ADAM22: variants seen among roughly 807,000 people sequenced by gnomAD.
ADAM22 encodes ADAM metallopeptidase domain 22.
ADAM22 carries 65 observed loss-of-function variants against 144.6 expected under a neutral mutation model. That is an observed-to-expected ratio of 0.45 (90% CI 0.37 to 0.55). The LOEUF is 0.55. Ranked by LOEUF, ADAM22 falls within the 20% of genes least tolerant of loss-of-function variation. The pLI, the probability that ADAM22 is intolerant of heterozygous loss-of-function variation, is 0.00. For synonymous variants in ADAM22, 391 were observed against 412.6 expected, an observed-to-expected ratio of 0.95 and a Z score of 0.63; for missense variants, 974 against 1,184.9, an observed-to-expected ratio of 0.82 and a Z score of 2.61.
rs370396568 is a variant in ADAM22 at position 87,944,827 on chromosome 7, T to G, written c.246+9641T>G. Among the ~76,000 whole-genome samples the G allele has an allele frequency of 2.1e-3, 317 of 151,446 alleles. 2 individuals are homozygous for G. The highest frequency in any genetic ancestry group is 6.4e-3 in the African/African-American group (263 of 41,088). On this transcript the variant is annotated intron_variant, in intron 2 of 31. Coordinates refer to ENST00000413139, the MANE Select transcript of ADAM22 (RefSeq NM_001324418.2). ...AAAGGGAAACTTGTGTTTTTTTTTT[T>G]TTTGTTTTTTTTTTTTTAGTCAGTC...
At chr7:88,180,263 G>T (rs865898255) in intron 27 of ADAM22, among the ~76,000 whole-genome samples, 5 of 152,206 alleles carry the variant, frequency 3.3e-5, no homozygotes, top group Middle Eastern at 3.4e-3. Flanking sequence ...TGGAGGGCTT[G>T]TTGGCTAAGA....
Position 88,153,245 on chromosome 7 carries a change from G to A in ADAM22, c.1706G>A (p.Cys569Tyr). ...GQKVTASDKYCYEKLNIEGTE... is the reference protein window; with the variant it reads ...GQKVTASDKYYYEKLNIEGTE... Reference sequence around the variant, plus strand: ...GAGGTGACAGCATCAGACAAATATTGCTATGAGAAACTGAATATTGAAGGG... The same window carrying A: ...GAGGTGACAGCATCAGACAAATATTACTATGAGAAACTGAATATTGAAGGG... The change falls in exon 21 of 32, where the codon TGC becomes TAC. Residue 569 changes from cysteine (C) to tyrosine (Y), a missense_variant. Cys to Tyr is a radical substitution (Grantham distance 194). Coordinates refer to ENST00000413139, the MANE Select transcript of ADAM22 (RefSeq NM_001324418.2). 2 of 1,613,294 alleles carry A rather than the reference G, an allele frequency of 1.2e-6. No individual in the cohort carries two copies. Among genetic ancestry groups the A allele is most frequent in the Non-Finnish European group, 1.7e-6 (2 of 1,179,626 alleles).
intron 3 of ADAM22, among the ~76,000 whole-genome samples, chr7:88,034,263 C>A (rs1301604904): frequency 6.6e-6 from 1 of 152,154 alleles, no homozygotes; most frequent in South Asian, 2.1e-4. Flanking sequence ...GGTGATGAAT[C>A]CTGCCAGAAG....
At chr7:88,080,908 A>AGGTACAAG (rs1346358564) in intron 4 of ADAM22, among the ~76,000 whole-genome samples, 2 of 152,208 alleles carry the variant, frequency 1.3e-5, no homozygotes, top group Non-Finnish European at 2.9e-5. Context: ...ATTCTACCAG[A>AGGTACAAG]GGTACAAGGA....
At chr7:88,100,305 G>C (rs1196809520) in intron 4 of ADAM22, among the ~76,000 whole-genome samples, 2 of 152,032 alleles carry the variant, frequency 1.3e-5, no homozygotes, top group African/African-American at 4.8e-5. Context: ...TAAGTACACT[G>C]TACTTATTTT....
At chr7:88,077,352 A>G (rs2129481449) in intron 4 of ADAM22, among the ~76,000 whole-genome samples, 2 of 152,334 alleles carry the variant, frequency 1.3e-5, no homozygotes, top group South Asian at 2.1e-4. Flanking sequence ...AAAGAATGCT[A>G]TAATGAGGGT....
intron 30 of ADAM22, among the ~76,000 whole-genome samples, chr7:88,189,433 C>T (rs1203165374): frequency 6.6e-6 from 1 of 152,166 alleles, no homozygotes; most frequent in East Asian, 1.9e-4. Flanking sequence ...TACCTTTATT[C>T]CTCACATCCT....
chr7:88,006,272 CAA>C (rs1793822581), intron 3 of ADAM22, among the ~76,000 whole-genome samples: 1 of 152,198 alleles, frequency 6.6e-6, no homozygotes, highest in East Asian at 1.9e-4. Flanking sequence ...GCTTACCAAC[CAA>C]AAAGTGTCCA....
At chr7:88,086,039 G>T (rs1463410396) in intron 4 of ADAM22, among the ~76,000 whole-genome samples, 1 of 152,122 alleles carries the variant, frequency 6.6e-6, no homozygotes, top group African/African-American at 2.4e-5. Flanking sequence ...AGCTGGGCGT[G>T]GTGGCATGCA....
chr7:88,083,084 A>T (rs539350522), intron 4 of ADAM22, among the ~76,000 whole-genome samples: 1 of 152,358 alleles, frequency 6.6e-6, no homozygotes, highest in East Asian at 1.9e-4. Context: ...AGTTGGAACC[A>T]ACCCAAATGT....
chr7:88,157,528 G>A (rs1488871445), intron 22 of ADAM22, among the ~76,000 whole-genome samples: 1 of 152,078 alleles, frequency 6.6e-6, no homozygotes, highest in East Asian at 1.9e-4. Flanking sequence ...AAATTTCTCA[G>A]GAAAGTACTA....
chr7:88,113,345 A>G (rs1175673714), intron 5 of ADAM22, among the ~76,000 whole-genome samples: 1 of 151,268 alleles, frequency 6.6e-6, no homozygotes, highest in African/African-American at 2.4e-5. Context: ...CACCTCTACT[A>G]TTACTGCTCT....
intron 29 of ADAM22, chr7:88,182,261 T>G: frequency 2.3e-6 from 1 of 439,210 alleles, no homozygotes. Context: ...TGCAGGCTTT[T>G]TCCTCCAGTC....
At chr7:87,991,785 T>G (rs1238179835) in intron 3 of ADAM22, among the ~76,000 whole-genome samples, 9 of 152,206 alleles carry the variant, frequency 5.9e-5, no homozygotes, top group Non-Finnish European at 1.2e-4. Context: ...AAATATAAGA[T>G]CTCAGAAATA....
At chr7:88,015,114 A>G (rs1335272879) in intron 3 of ADAM22, among the ~76,000 whole-genome samples, 1 of 152,224 alleles carries the variant, frequency 6.6e-6, no homozygotes, top group Non-Finnish European at 1.5e-5. Context: ...AGAGAAAAAG[A>G]AATGGATTGT....
chr7:88,000,610 TTATTA>T (rs1335134021), intron 3 of ADAM22, among the ~76,000 whole-genome samples: 1 of 152,168 alleles, frequency 6.6e-6, no homozygotes, highest in African/African-American at 2.4e-5. Flanking sequence ...TTTGCATTAT[TTATTA>T]TAATAAATTT....
chr7:88,188,698 C>A (rs1410893459), intron 30 of ADAM22, among the ~76,000 whole-genome samples: 1 of 152,200 alleles, frequency 6.6e-6, no homozygotes, highest in Non-Finnish European at 1.5e-5. Context: ...AGAATTTCAT[C>A]CACCCTCTGT....
At chr7:87,955,611 G>A (rs530787707) in intron 2 of ADAM22, among the ~76,000 whole-genome samples, 43 of 152,304 alleles carry the variant, frequency 2.8e-4, no homozygotes, top group South Asian at 1.5e-3. Context: ...CAGTCTGCCC[G>A]TTCTCAGATC....
In ADAM22 at chr7:88,202,112, GA is replaced by G. The variant is rs1669519787; in HGVS notation, c.*5624del. 1 of 152,090 alleles carries G rather than the reference GA, an allele frequency of 6.6e-6. No individual in the cohort carries two copies. Among genetic ancestry groups the G allele is most frequent in the Non-Finnish European group, 1.5e-5 (1 of 68,024 alleles). 9.4% of individuals were successfully genotyped at this position (152,090 alleles called of 1,614,324 possible). ...ATATATGTGTATCACTGCCTGACTA[GA>G]AACCCCACTTTTCTTTTCTAATCCA... On this transcript the variant is annotated 3_prime_UTR_variant, in exon 32 of 32. Transcript: ENST00000413139.
Sources: gnomAD v4.1 joint callset for allele counts (sites outside exome capture counted in the v4.1 genomes callset) on GRCh38, gnomAD v4.1.1 for gene constraint, MANE v1.5 for transcripts, NCBI Gene and HGNC (gene_info 2026-07-23, HGNC 2026-07-21) for gene names.